The following DIS3L variants were observed in gnomAD, a reference collection of about 807,000 sequenced individuals.
The protein encoded by DIS3L is DIS3-like exonuclease 1.
A neutral mutation model predicts 120.3 loss-of-function variants in DIS3L; 100 were observed. The ratio of observed to expected loss-of-function variants is 0.83; its 90% confidence interval spans 0.71 to 0.98. DIS3L has a LOEUF of 0.98. DIS3L is among the 50% of genes least tolerant of loss of function. The pLI is 0.00. For missense variants in DIS3L, 1,196 were observed against 1,314.2 expected (o/e 0.91, Z 1.39); for synonymous variants, 426 against 470.6 (o/e 0.91, Z 1.23).
At chr15:66,308,923 CAGAAAAG>C (rs1378004375) in intron 4 of DIS3L, 79 bp downstream of exon 4, 26 of 1,455,414 alleles carry the variant, frequency 1.8e-5, no homozygotes, top group Non-Finnish European at 2.3e-5. Flanking sequence ...TTTGGTAACA[CAGAAAAG>C]AGAAAAGAGG....
upstream of DIS3L, chr15:66,293,550 G>C (rs1387410569): frequency 4.2e-5 from 58 of 1,377,692 alleles, no homozygotes; most frequent in African/African-American, 6.1e-5. Context: ...CCGCGGCCTT[G>C]CCTCCGCCGC....
chr15:66,316,259 G>A (rs1032492881), intron 7 of DIS3L, among the ~76,000 whole-genome samples: 29 of 151,812 alleles, frequency 1.9e-4, no homozygotes, highest in Admixed American at 1.1e-3. Context: ...CTCAGTAAAG[G>A]GCAAATTCAT....
intron 1 of DIS3L, chr15:66,294,027 A>T (rs915429334): frequency 3.0e-6 from 3 of 987,706 alleles, no homozygotes; most frequent in Non-Finnish European, 3.6e-6. Flanking sequence ...GGCTCCTCAG[A>T]GGGGCCTGAG....
chr15:66,315,651 T>C (rs1272120364), intron 7 of DIS3L, among the ~76,000 whole-genome samples: 11 of 152,222 alleles, frequency 7.2e-5, no homozygotes. Flanking sequence ...TATGCTGTAA[T>C]GGCTTCCATC....
chr15:66,332,087 A>G, intron 15 of DIS3L, 67 bp downstream of exon 15: 7 of 1,384,274 alleles, frequency 5.1e-6, no homozygotes, highest in Non-Finnish European at 6.8e-6. Context: ...CAAACTGTAC[A>G]TTAGATATAA....
intron 1 of DIS3L, chr15:66,294,402 G>A: frequency 1.0e-6 from 1 of 985,612 alleles, no homozygotes; most frequent in Non-Finnish European, 1.2e-6. Context: ...ATGGGCTGGG[G>A]GTCCTTGTCA....
intron 8 of DIS3L, among the ~76,000 whole-genome samples, chr15:66,320,222 C>G (rs2092866401): frequency 6.6e-6 from 1 of 152,134 alleles, no homozygotes; most frequent in Non-Finnish European, 1.5e-5. Context: ...TAATTTGGAG[C>G]ATGCATAATT....
intron 9 of DIS3L, among the ~76,000 whole-genome samples, chr15:66,321,299 G>C (rs2092880387): frequency 6.6e-6 from 1 of 151,960 alleles, no homozygotes; most frequent in African/African-American, 2.4e-5. Flanking sequence ...TATATTCATT[G>C]TGTGCACACA....
Position 66,315,065 on chromosome 15 carries a change from AT to A in DIS3L, c.845del (p.Met282ArgfsTer13). ...AGTCAGTGACATCCTAATCCACGGG[AT>A]GAAGGCTCGAAACCGCTCAATTCAT... ...DLVSDILIHG[M>X]KARNRSIHGD... is the part of the protein sequence containing the mutation. On this transcript the variant is annotated frameshift_variant, in exon 7 of 17. Transcript: ENST00000319212. LOFTEE classifies it high-confidence loss of function. 6.2e-7 allele frequency: 1 copy of A among 1,614,010 alleles called. No homozygotes were observed. Among genetic ancestry groups the A allele is most frequent in the South Asian group, 1.1e-5 (1 of 91,072 alleles).
intron 10 of DIS3L, among the ~76,000 whole-genome samples, chr15:66,323,222 A>T (rs550075738): frequency 6.6e-6 from 1 of 152,308 alleles, no homozygotes; most frequent in South Asian, 2.1e-4. Context: ...GGATCATTAC[A>T]CTCCAGTTTT....
At chr15:66,329,861 G>A (rs1407918709) in intron 14 of DIS3L, 118 of 972,784 alleles carry the variant, frequency 1.2e-4, no homozygotes, top group South Asian at 1.9e-4. Context: ...GCAGTGGGCC[G>A]AGATCACACC....
chr15:66,326,187 T>G lies in DIS3L; in HGVS notation c.2024T>G (p.Leu675Arg). 6.2e-7 allele frequency: 1 copy of G among 1,614,202 alleles called. No individual in the cohort carries two copies. The highest frequency in any genetic ancestry group is 8.5e-7 in the Non-Finnish European group (1 of 1,180,036). ...NIHDLIPKQPLEVHETVAECM... is the reference protein window; with the variant it reads ...NIHDLIPKQPREVHETVAECM... ...CACGACCTCATCCCCAAGCAGCCCC[T>G]GGAAGTCCACGAGACAGTGGCTGAA... The change falls in exon 12 of 17, where the codon CTG becomes CGG. Residue 675 changes from leucine to arginine, a missense_variant. Transcript: ENST00000319212.
chr15:66,298,570 G>A (rs990042179), intron 2 of DIS3L, among the ~76,000 whole-genome samples: 2 of 152,136 alleles, frequency 1.3e-5, no homozygotes, highest in African/African-American at 2.4e-5. Context: ...CCTTTAATCT[G>A]GTTATATTTG....
intron 1 of DIS3L, 148 bp downstream of exon 1, chr15:66,293,883 C>T: frequency 3.0e-6 from 3 of 1,004,188 alleles, no homozygotes; most frequent in Non-Finnish European, 3.6e-6. Flanking sequence ...GCCTCACCCC[C>T]CGGCTCTCTG....
intron 3 of DIS3L, among the ~76,000 whole-genome samples, chr15:66,308,124 T>A (rs1440149587): frequency 6.6e-6 from 1 of 152,190 alleles, no homozygotes; most frequent in Non-Finnish European, 1.5e-5. Flanking sequence ...TGAGCCATTG[T>A]TCACCACTGC....
chr15:66,299,299 T>C (rs1278008904), intron 2 of DIS3L, among the ~76,000 whole-genome samples: 2 of 152,120 alleles, frequency 1.3e-5, no homozygotes, highest in East Asian at 3.8e-4. Flanking sequence ...ATCCCAGCAC[T>C]TTGGGAGGTG....
chr15:66,322,495 G>A (rs2092895133), intron 9 of DIS3L, among the ~76,000 whole-genome samples, 192 bp from the exon 10 acceptor site: 1 of 152,166 alleles, frequency 6.6e-6, no homozygotes, highest in South Asian at 2.1e-4. Flanking sequence ...ACTTTCCAGA[G>A]CCCAGCACAG....
intron 2 of DIS3L, among the ~76,000 whole-genome samples, chr15:66,306,052 C>T (rs879333902): frequency 6.6e-6 from 1 of 152,094 alleles, no homozygotes; most frequent in Non-Finnish European, 1.5e-5. Flanking sequence ...TGTAGTGGCC[C>T]AGTGCAGCCT....
At chr15:66,315,301 CTTATT>C in intron 7 of DIS3L, 86 bp downstream of exon 7, 3 of 1,236,658 alleles carry the variant, frequency 2.4e-6, no homozygotes, top group Admixed American at 2.9e-5. Flanking sequence ...AAATACTGCC[CTTATT>C]TTATTTATTT....
Sources: allele counts gnomAD v4.1 joint callset (sites outside exome capture counted in the v4.1 genomes callset), GRCh38; gene constraint gnomAD v4.1.1; transcripts MANE v1.5; gene names NCBI Gene and HGNC (gene_info 2026-07-23, HGNC 2026-07-21).